The following CFAP47 variants were observed in gnomAD, a reference collection of about 807,000 sequenced individuals.
The protein encoded by CFAP47 is cilia and flagella associated protein 47, also known as cilia- and flagella-associated protein 47.
In CFAP47, 29 loss-of-function variants were observed where a neutral mutation model predicts 148.1. The ratio of observed to expected loss-of-function variants is 0.20; its 90% CI spans 0.15 to 0.27. The LOEUF is 0.27. Among genes scored for constraint, CFAP47 ranks in the 10% least tolerant of loss-of-function variants. CFAP47 has a pLI of 1.00. For missense variants in CFAP47, 1,872 were observed against 1,697.5 expected, an observed-to-expected ratio of 1.10 and a Z score of -1.81; for synonymous variants, 664 against 577.3, an observed-to-expected ratio of 1.15 and a Z score of -2.15.
intron 39 of CFAP47, among the ~76,000 whole-genome samples, chrX:36,172,147 T>A (rs1939590365): frequency 9.6e-6 from 1 of 103,783 alleles, no homozygotes; most frequent in Admixed American, 1.1e-4. Flanking sequence ...TACATTGATT[T>A]TGTATCCTGA....
At chrX:35,985,000 G>C (rs1936695548) in intron 15 of CFAP47, among the ~76,000 whole-genome samples, 1 of 111,628 alleles carries the variant, frequency 9.0e-6, no homozygotes. Context: ...ATCTTTGTTA[G>C]TTTTCTGCCT....
Position 35,982,324 on chromosome X carries a change from G to A in CFAP47, c.2713+6411G>A, listed in dbSNP as rs189664432. 3.5e-3 allele frequency among the ~76,000 whole-genome samples: 387 copies of A among 111,691 alleles called. 1 individual carries two copies. Among genetic ancestry groups the A allele is most frequent in the African/African-American group, 0.012 (360 of 30,836 alleles). ...GCATGAATGTCTTATTTTGAGAAAT[G>A]TCTGTTCATATCCTTTGCCCATTTT... is the stretch of plus-strand genomic sequence containing the variant. On this transcript the variant is annotated intron_variant, in intron 15 of 63. Coordinates refer to ENST00000378653, the MANE Select transcript of CFAP47 (RefSeq NM_001304548.2).
chrX:36,197,901 A>G (rs1296843147), intron 42 of CFAP47, among the ~76,000 whole-genome samples: 1 of 111,603 alleles, frequency 9.0e-6, no homozygotes, highest in Non-Finnish European at 1.9e-5. Context: ...CTAATGGGGG[A>G]TAACAAAGCT....
chrX:36,046,050 G>T (rs183962703), intron 25 of CFAP47, among the ~76,000 whole-genome samples: 1 of 111,073 alleles, frequency 9.0e-6, no homozygotes, highest in African/African-American at 3.2e-5. Flanking sequence ...TCAAGGTAGC[G>T]TATAGGTTTA....
chrX:36,371,533 A>ATG (rs1358057258), intron 62 of CFAP47, among the ~76,000 whole-genome samples: 1 of 104,730 alleles, frequency 9.5e-6, no homozygotes, highest in Non-Finnish European at 2.0e-5. Flanking sequence ...GTGTATATAT[A>ATG]TGTGTATACA....
At chrX:36,048,636 T>A (rs1601947492) in intron 26 of CFAP47, among the ~76,000 whole-genome samples, 2 of 111,769 alleles carry the variant, frequency 1.8e-5, no homozygotes, top group South Asian at 7.5e-4. Context: ...AATAATGTGC[T>A]CCCAGCTCAG....
intron 49 of CFAP47, among the ~76,000 whole-genome samples, chrX:36,264,483 C>T (rs1321541470): frequency 8.9e-6 from 1 of 111,838 alleles, no homozygotes; most frequent in Non-Finnish European, 1.9e-5. Flanking sequence ...AATGCTCCCT[C>T]TGTGGGTGGG....
At chrX:36,007,492 C>T (rs900586227) in intron 21 of CFAP47, among the ~76,000 whole-genome samples, 3 of 112,043 alleles carry the variant, frequency 2.7e-5, no homozygotes, top group Non-Finnish European at 3.8e-5. Context: ...CATCACAAAA[C>T]GTTCAAAGTT....
At chrX:35,943,482 T>C (rs918855086) in intron 3 of CFAP47, among the ~76,000 whole-genome samples, 38 of 111,550 alleles carry the variant, frequency 3.4e-4, no homozygotes, top group African/African-American at 1.2e-3. Flanking sequence ...TAGTCTCTTA[T>C]GGAGTAAACA....
At chrX:36,368,579 C>T (rs1941900541) in intron 62 of CFAP47, among the ~76,000 whole-genome samples, 1 of 111,203 alleles carries the variant, frequency 9.0e-6, no homozygotes, top group Non-Finnish European at 1.9e-5. Flanking sequence ...CCTGGAATTT[C>T]TCTTACAGTT....
chrX:36,054,482 A>G (rs1937538267), intron 26 of CFAP47, among the ~76,000 whole-genome samples: 1 of 111,989 alleles, frequency 8.9e-6, no homozygotes, highest in African/African-American at 3.2e-5. Flanking sequence ...ACTTAAAACC[A>G]ACTTTATTAT....
chrX:36,165,514 T>C lies in CFAP47; in HGVS notation c.6026+4745T>C, dbSNP rs1345760940. 2.7e-5 allele frequency among the ~76,000 whole-genome samples: 3 copies of C among 111,702 alleles called. No individual in the cohort carries two copies. The Admixed American group carries it at 2.9e-4, about 11-fold the overall frequency. ...TACTCTTATATAGCTCTATTCCCTT[T>C]CCATTCTTTTCCTGGTGGTATTGTC... is the stretch of plus-strand genomic sequence containing the variant. On this transcript the variant is annotated intron_variant, in intron 39 of 63. Coordinates refer to ENST00000378653, the MANE Select transcript of CFAP47 (RefSeq NM_001304548.2).
At chrX:36,110,511 C>T (rs1025415018) in intron 33 of CFAP47, among the ~76,000 whole-genome samples, 4 of 111,324 alleles carry the variant, frequency 3.6e-5, no homozygotes, top group Non-Finnish European at 7.5e-5. Flanking sequence ...GTTACTGTAG[C>T]CCCTTTGTAT....
At chrX:36,062,801 GC>G (rs773556621) in intron 26 of CFAP47, among the ~76,000 whole-genome samples, 1 of 110,964 alleles carries the variant, frequency 9.0e-6, no homozygotes, top group Non-Finnish European at 1.9e-5. Flanking sequence ...GGTGATGGTT[GC>G]CCAACTCTGT....
chrX:36,112,773 C>T (rs1938576736), intron 33 of CFAP47, among the ~76,000 whole-genome samples: 1 of 111,617 alleles, frequency 9.0e-6, no homozygotes, highest in Non-Finnish European at 1.9e-5. Flanking sequence ...CTTTATTAAT[C>T]TAGGTGCTCC....
chrX:35,994,491 A>G (rs192390049), intron 18 of CFAP47, among the ~76,000 whole-genome samples: 6 of 111,567 alleles, frequency 5.4e-5, no homozygotes, highest in Non-Finnish European at 1.1e-4. Context: ...GTTATCCCTG[A>G]ATAGACCATA....
At position 35,961,649 on chromosome X, in the gene CFAP47, G is replaced by A. The variant is rs140688805; in HGVS notation, c.1411-4916G>A. On this transcript the variant is annotated intron_variant, in intron 8 of 63. Coordinates refer to ENST00000378653, the MANE Select transcript of CFAP47 (RefSeq NM_001304548.2). ...CATAATCTTATACCCCTTTTTACTGGTGTAAAGTTGGTAGTGATGTCCTCT... is the reference window on the plus strand; with the variant it reads ...CATAATCTTATACCCCTTTTTACTGATGTAAAGTTGGTAGTGATGTCCTCT... Among the ~76,000 whole-genome samples the A allele has an allele frequency of 5.7e-3, 638 of 111,069 alleles. 7 individuals are homozygous for A. Among genetic ancestry groups the A allele is most frequent in the African/African-American group, 0.02 (608 of 30,704 alleles).
At chrX:36,073,719 G>A (rs1416023520) in intron 29 of CFAP47, among the ~76,000 whole-genome samples, 1 of 111,081 alleles carries the variant, frequency 9.0e-6, no homozygotes, top group Non-Finnish European at 1.9e-5. Flanking sequence ...AGGTAGACAG[G>A]TAATGGTATT....
At chrX:36,078,954 A>G (rs970824291) in intron 29 of CFAP47, among the ~76,000 whole-genome samples, 1 of 111,366 alleles carries the variant, frequency 9.0e-6, no homozygotes, top group African/African-American at 3.3e-5. Context: ...TTGGCTGGAT[A>G]TGAAATTCTG....
Sources: gnomAD v4.1 joint callset for allele counts (sites outside exome capture counted in the v4.1 genomes callset) on GRCh38, gnomAD v4.1.1 for gene constraint, MANE v1.5 for transcripts, NCBI Gene and HGNC (gene_info 2026-07-23, HGNC 2026-07-21) for gene names.